RGS12: variants seen among roughly 807,000 people sequenced by gnomAD.
RGS12 encodes the protein regulator of G protein signaling 12, also known as regulator of G-protein signaling 12.
A neutral mutation model predicts 120.1 loss-of-function variants in RGS12; 66 were observed. That is an observed-to-expected ratio of 0.55 (90% CI 0.45 to 0.67). The LOEUF is 0.67. Among genes scored for constraint, RGS12 ranks in the 30% least tolerant of loss-of-function variants. RGS12 has a pLI of 0.00. For missense variants in RGS12, 1,859 were observed against 1,957.7 expected (o/e 0.95, Z 0.95); for synonymous variants, 827 against 804.7 (o/e 1.03, Z -0.47).
chr4:3,396,596 G>C (rs1037363205), intron 4 of RGS12, among the ~76,000 whole-genome samples: 1 of 152,128 alleles, frequency 6.6e-6, no homozygotes, highest in African/African-American at 2.4e-5. Flanking sequence ...TCTGTTTCTG[G>C]CCTCTGTATT....
At chr4:3,337,519 G>A (rs571231389) in intron 2 of RGS12, among the ~76,000 whole-genome samples, 15 of 152,284 alleles carry the variant, frequency 9.9e-5, no homozygotes, top group Admixed American at 3.9e-4. Context: ...TCCATACCGC[G>A]GAATATTATT....
chr4:3,400,155 A>G (rs1007538625), intron 4 of RGS12, among the ~76,000 whole-genome samples: 1 of 152,278 alleles, frequency 6.6e-6, no homozygotes, highest in African/African-American at 2.4e-5. Context: ...CAAGACTGGC[A>G]TATTCCTGAT....
chr4:3,389,432 C>G lies in RGS12; in HGVS notation c.2020+2995C>G, dbSNP rs970073277. ...ATTCAGACAGAAGTGTGAGGTCGAG[C>G]TGGAGGGAGATGGGGCGTTGTGAAG... On this transcript the variant is annotated intron_variant, in intron 4 of 17. Coordinates refer to ENST00000336727, the MANE Select transcript of RGS12 (RefSeq NM_001394154.1). The surrounding 1 kb of genome is among the most constrained non-coding windows in gnomAD (Gnocchi z 5.2). Among the ~76,000 whole-genome samples, 3 of 152,140 alleles carry G rather than the reference C, an allele frequency of 2.0e-5. No homozygotes were observed. Among genetic ancestry groups the G allele is most frequent in the African/African-American group, 7.2e-5 (3 of 41,422 alleles).
At chr4:3,438,260 C>A (rs545912991) in intron 17 of RGS12, among the ~76,000 whole-genome samples, 50 of 152,094 alleles carry the variant, frequency 3.3e-4, no homozygotes, top group African/African-American at 1.2e-3. Context: ...CCCAGGCTCA[C>A]TGAGGAAGGG....
chr4:3,352,676 G>A (rs1714475478), intron 3 of RGS12, among the ~76,000 whole-genome samples: 1 of 152,208 alleles, frequency 6.6e-6, no homozygotes, highest in African/African-American at 2.4e-5. Context: ...GCATGATTCT[G>A]AGGCTGGACA....
chr4:3,308,817 T>G (rs1724121492), intron 1 of RGS12, among the ~76,000 whole-genome samples: 1 of 152,262 alleles, frequency 6.6e-6, no homozygotes, highest in South Asian at 2.1e-4. Context: ...AGCCGCTCTG[T>G]CAGGATTGTG....
intron 2 of RGS12, among the ~76,000 whole-genome samples, chr4:3,332,428 T>C (rs1711961796): frequency 6.6e-6 from 1 of 152,242 alleles, no homozygotes; most frequent in Non-Finnish European, 1.5e-5. Flanking sequence ...TATAATCCAT[T>C]GTGTGAATCT....
chr4:3,365,845 C>T lies in RGS12; in HGVS notation c.1999-20571C>T, dbSNP rs889296011. ...ACTGTCCTTAAGATCCTGTGAACTCCGGACATGTAATAGGATTCTTCAGTG... is the reference window on the plus strand; with the variant it reads ...ACTGTCCTTAAGATCCTGTGAACTCTGGACATGTAATAGGATTCTTCAGTG... On this transcript the variant is annotated intron_variant, in intron 3 of 17. Coordinates refer to ENST00000336727, the MANE Select transcript of RGS12 (RefSeq NM_001394154.1). The surrounding 1 kb of genome is among the most constrained non-coding windows in gnomAD (Gnocchi z 4.0). Among the ~76,000 whole-genome samples, 4 of 152,222 alleles carry T rather than the reference C, an allele frequency of 2.6e-5. No homozygotes were observed. The highest frequency in any genetic ancestry group is 1.9e-4 in the East Asian group (1 of 5,184).
intron 4 of RGS12, among the ~76,000 whole-genome samples, chr4:3,394,932 G>T (rs756009255): frequency 6.6e-6 from 1 of 152,116 alleles, no homozygotes; most frequent in Non-Finnish European, 1.5e-5. Flanking sequence ...ACTTTGGGAG[G>T]CCGAGACAGG....
At chr4:3,377,936 C>CG (rs1198497765) in intron 3 of RGS12, among the ~76,000 whole-genome samples, 2 of 152,160 alleles carry the variant, frequency 1.3e-5, no homozygotes, top group Admixed American at 6.5e-5. Flanking sequence ...TGTTTAATTA[C>CG]GGTATATGTT....
In RGS12 at chr4:3,353,335, G is replaced by A. The variant is rs116026841; in HGVS notation, c.1998+10282G>A. 8.0e-3 allele frequency among the ~76,000 whole-genome samples: 1,225 copies of A among 152,236 alleles called. 18 individuals are homozygous for A. The highest frequency in any genetic ancestry group is 0.028 in the African/African-American group (1,159 of 41,514). ...TCCTAGATCAGTGTGTGCACACTGC[G>A]TCCTGGGGGGATGTTACTGTACTCT... is the stretch of plus-strand genomic sequence containing the variant. On this transcript the variant is annotated intron_variant, in intron 3 of 17. Coordinates refer to ENST00000336727, the MANE Select transcript of RGS12 (RefSeq NM_001394154.1).
chr4:3,294,549 C>T (rs998673813), intron 1 of RGS12, among the ~76,000 whole-genome samples: 1 of 152,170 alleles, frequency 6.6e-6, no homozygotes, highest in South Asian at 2.1e-4. Context: ...GATGGGTATC[C>T]GGTGCCCGGG....
At chr4:3,428,858 T>C in intron 16 of RGS12, 147 bp downstream of exon 16, 1 of 713,758 alleles carries the variant, frequency 1.4e-6, no homozygotes, top group Non-Finnish European at 2.3e-6. Context: ...CCGGGGGCAG[T>C]CTGTGGGCTG....
At chr4:3,315,201 T>C (rs1724659380) in intron 1 of RGS12, among the ~76,000 whole-genome samples, 1 of 152,236 alleles carries the variant, frequency 6.6e-6, no homozygotes, top group East Asian at 1.9e-4. Flanking sequence ...CCCATGGACC[T>C]CTGCCCTTGC....
intron 5 of RGS12, 161 bp from the exon 6 acceptor site, chr4:3,414,591 G>C (rs1313828190): frequency 1.1e-5 from 7 of 634,188 alleles, no homozygotes; most frequent in Admixed American, 2.8e-5. Flanking sequence ...GGAAGCAGCA[G>C]TGCGGTTCCC....
chr4:3,375,313 CCCTCATCTCCAG>C lies in RGS12; in HGVS notation c.1999-11088_1999-11077del, dbSNP rs1303707152. ...CCTCATCTCCAGCCCTCATCTCCAGCCCTCATCTCCAGCCTCATCTCCAGCCCTCATCTCCAG... is the reference window on the plus strand; with the variant it reads ...CCTCATCTCCAGCCCTCATCTCCAGCCCTCATCTCCAGCCCTCATCTCCAG... On this transcript the variant is annotated intron_variant, in intron 3 of 17. Coordinates refer to ENST00000336727, the MANE Select transcript of RGS12 (RefSeq NM_001394154.1). Among the ~76,000 whole-genome samples, 499 of 102,126 alleles carry C rather than the reference CCCTCATCTCCAG, an allele frequency of 4.9e-3. 14 individuals carry two copies. Among genetic ancestry groups the C allele is most frequent in the Admixed American group, 0.022 (227 of 10,214 alleles). The allele number at this position is 102,126 out of a possible 152,430, so 67.0% of individuals were successfully genotyped here.
intron 2 of RGS12, among the ~76,000 whole-genome samples, chr4:3,336,698 G>A (rs939957749): frequency 6.6e-5 from 10 of 151,976 alleles, no homozygotes; most frequent in African/African-American, 2.2e-4. Context: ...TGTGGGTAAC[G>A]AAAGAAAAAA....
rs568647769 is a variant in RGS12, at chr4:3,339,733, G to T, written c.1882-3204G>T. On this transcript the variant is annotated intron_variant, in intron 2 of 17. Transcript: ENST00000336727. Reference sequence around the variant, plus strand: ...CCAAGGATGATACCAGGCTGGAGGTGGGCGGGCGGTTGCTGGGCAGATGTC... The same window carrying T: ...CCAAGGATGATACCAGGCTGGAGGTTGGCGGGCGGTTGCTGGGCAGATGTC... 2.0e-3 allele frequency among the ~76,000 whole-genome samples: 302 copies of T among 152,294 alleles called. 2 individuals carry two copies. Among genetic ancestry groups the T allele is most frequent in the African/African-American group, 7.1e-3 (293 of 41,558 alleles).
In RGS12 at chr4:3,414,793, C is replaced by T. The variant is rs751658009; in HGVS notation, c.2232C>T (p.Phe744=). The T allele has an allele frequency of 3.7e-6, 6 of 1,613,608 alleles. No homozygotes were observed. Among genetic ancestry groups the T allele is most frequent in the Non-Finnish European group, 5.1e-6 (6 of 1,179,566 alleles). ...AATTCAGTGAAGAAAACATTTTATT[C>T]TGGCAGGCCTGTGAATATTTTAATC... ...RKEFSEENIL[F]WQACEYFNHV... The change falls in exon 6 of 18, where the codon TTC becomes TTT. Residue 744 remains phenylalanine, a synonymous_variant. Coordinates refer to ENST00000336727, the MANE Select transcript of RGS12 (RefSeq NM_001394154.1).
Sources: gnomAD v4.1 joint callset for allele counts (sites outside exome capture counted in the v4.1 genomes callset) on GRCh38, gnomAD v4.1.1 for gene constraint, Gnocchi (gnomAD v3.1) non-coding constraint, MANE v1.5 for transcripts, NCBI Gene and HGNC (gene_info 2026-07-23, HGNC 2026-07-21) for gene names.